The following HS6ST3 variants were observed in gnomAD, a reference collection of about 807,000 sequenced individuals.
HS6ST3 encodes heparan-sulfate 6-O-sulfotransferase 3.
A neutral mutation model predicts 36.7 loss-of-function variants in HS6ST3; 12 were observed. The observed-to-expected ratio is 0.33, with a 90% CI of 0.21 to 0.53. The LOEUF (loss-of-function observed/expected upper bound fraction) is 0.53, where lower values mean the gene tolerates loss of function less well. Among genes scored for constraint, HS6ST3 ranks in the 20% least tolerant of loss-of-function variants. The pLI, the probability that HS6ST3 is intolerant of heterozygous loss-of-function variation, is 0.95. For synonymous variants in HS6ST3, 240 were observed against 257.5 expected (o/e 0.93, Z 0.65); for missense variants, 584 against 640.9 (o/e 0.91, Z 0.96).
intron 1 of HS6ST3, among the ~76,000 whole-genome samples, chr13:96,349,689 A>T (rs2055172810): frequency 6.6e-6 from 1 of 152,218 alleles, no homozygotes; most frequent in Non-Finnish European, 1.5e-5. Flanking sequence ...ATAAGACAAA[A>T]ATTTAAACTG....
intron 1 of HS6ST3, among the ~76,000 whole-genome samples, chr13:96,404,233 A>T (rs1308927418): frequency 6.6e-6 from 1 of 152,150 alleles, no homozygotes; most frequent in Non-Finnish European, 1.5e-5. Context: ...TTGGAGAAAA[A>T]AGCCCACTAT....
Position 96,417,590 on chromosome 13 carries a change from ATGTG to A in HS6ST3, c.707+326051_707+326054del, listed in dbSNP as rs148288275. ...TGGTGAAAAAAAATAGCATATATAT[ATGTG>A]TGTGTGTGTGTGTGTGTGTGTGTGT... On this transcript the variant is annotated intron_variant, in intron 1 of 1. Coordinates refer to ENST00000376705, the MANE Select transcript of HS6ST3 (RefSeq NM_153456.4). 3.2e-3 allele frequency among the ~76,000 whole-genome samples: 451 copies of A among 139,814 alleles called. 4 individuals carry two copies. Among genetic ancestry groups the A allele is most frequent in the East Asian group, 4.9e-3 (23 of 4,666 alleles). The allele number at this position is 139,814 out of a possible 152,430, so 91.7% of individuals were successfully genotyped here. A position where few individuals can be genotyped will look rare whatever the true frequency, so the allele number is the denominator to read the frequency against.
At chr13:96,577,803 G>C (rs1020161254) in intron 1 of HS6ST3, among the ~76,000 whole-genome samples, 1 of 152,140 alleles carries the variant, frequency 6.6e-6, no homozygotes, top group African/African-American at 2.4e-5. Flanking sequence ...ACCATTTCAC[G>C]CCAGTTAGAA....
intron 1 of HS6ST3, among the ~76,000 whole-genome samples, chr13:96,129,732 A>C (rs930815722): frequency 6.6e-6 from 1 of 152,182 alleles, no homozygotes; most frequent in Non-Finnish European, 1.5e-5. Flanking sequence ...GTCTTTACCA[A>C]GTTAAAATGA....
At chr13:96,381,049 G>A (rs2055338104) in intron 1 of HS6ST3, among the ~76,000 whole-genome samples, 1 of 152,046 alleles carries the variant, frequency 6.6e-6, no homozygotes, top group South Asian at 2.1e-4. Context: ...GTTTAGCATA[G>A]AAAAAAGAGA....
At chr13:96,757,875 T>C (rs1488622964) in intron 1 of HS6ST3, among the ~76,000 whole-genome samples, 2 of 152,130 alleles carry the variant, frequency 1.3e-5, no homozygotes, top group Admixed American at 1.3e-4. Context: ...TGTGCAAATA[T>C]TTTGTGTGCA....
In HS6ST3 at chr13:96,307,324, C is replaced by T. The variant is rs550156789; in HGVS notation, c.707+215755C>T. ...TCCTCGAAACAGAGAGCAATAGCCACGCATTTCTGCAAACAATGAGAATAA... is the reference window on the plus strand; with the variant it reads ...TCCTCGAAACAGAGAGCAATAGCCATGCATTTCTGCAAACAATGAGAATAA... On this transcript the variant is annotated intron_variant, in intron 1 of 1. Transcript: ENST00000376705. Among the ~76,000 whole-genome samples, 18 of 152,180 alleles carry T rather than the reference C, an allele frequency of 1.2e-4. No homozygotes were observed. The South Asian group carries it at 2.7e-3, about 23-fold the overall frequency.
intron 1 of HS6ST3, among the ~76,000 whole-genome samples, chr13:96,656,232 A>G (rs2056624273): frequency 6.6e-6 from 1 of 152,192 alleles, no homozygotes; most frequent in Non-Finnish European, 1.5e-5. Flanking sequence ...CTAAAGTTAT[A>G]TGCTGAATTG....
Position 96,091,336 on chromosome 13 carries a change from C to T in HS6ST3, c.474C>T (p.Gly158=), listed in dbSNP as rs768192968. The T allele has an allele frequency of 1.2e-6, 2 of 1,613,984 alleles. No homozygotes were observed. The highest frequency in any genetic ancestry group is 1.7e-6 in the Non-Finnish European group (2 of 1,180,016). The change falls in exon 1 of 2, where the codon GGC becomes GGT. Residue 158 remains glycine, a synonymous_variant. Coordinates refer to ENST00000376705, the MANE Select transcript of HS6ST3 (RefSeq NM_153456.4). ...TCCTCCACATCCAGAAGACGGGGGG[C>T]ACCACTTTCGGCCGGCACCTGGTGA... is the stretch of plus-strand genomic sequence containing the variant. The part of the protein sequence containing the change: ...IVFLHIQKTG[G]TTFGRHLVKN...
intron 1 of HS6ST3, among the ~76,000 whole-genome samples, chr13:96,430,107 A>G (rs2055607533): frequency 6.6e-6 from 1 of 152,198 alleles, no homozygotes; most frequent in Non-Finnish European, 1.5e-5. Flanking sequence ...GTCTTAGCAT[A>G]GCTGTGGATG....
chr13:96,530,590 C>T (rs1343119716), intron 1 of HS6ST3, among the ~76,000 whole-genome samples: 1 of 151,484 alleles, frequency 6.6e-6, no homozygotes, highest in Non-Finnish European at 1.5e-5. Flanking sequence ...ACAGCCTGGA[C>T]CTCCTGGGCT....
chr13:96,459,822 G>A (rs2055773764), intron 1 of HS6ST3, among the ~76,000 whole-genome samples: 1 of 152,026 alleles, frequency 6.6e-6, no homozygotes, highest in Admixed American at 6.6e-5. Flanking sequence ...TTGAATAATG[G>A]GATAATCAAG....
intron 1 of HS6ST3, among the ~76,000 whole-genome samples, chr13:96,731,420 A>T (rs958839898): frequency 1.3e-5 from 2 of 151,788 alleles, no homozygotes; most frequent in Non-Finnish European, 2.9e-5. Context: ...AAATGACGGG[A>T]TTTCCTTCTT....
intron 1 of HS6ST3, among the ~76,000 whole-genome samples, chr13:96,741,444 A>G (rs1876437440): frequency 6.6e-6 from 1 of 152,212 alleles, no homozygotes; most frequent in Admixed American, 6.5e-5. Flanking sequence ...GACCTTGTCA[A>G]CTAATACCTA....
chr13:96,504,469 A>G (rs1425211276), intron 1 of HS6ST3, among the ~76,000 whole-genome samples: 2 of 152,178 alleles, frequency 1.3e-5, no homozygotes, highest in African/African-American at 2.4e-5. Context: ...GGTGGGGTTC[A>G]GGAGGTTTAG....
At chr13:96,447,616 A>T (rs570747525) in intron 1 of HS6ST3, among the ~76,000 whole-genome samples, 4 of 152,174 alleles carry the variant, frequency 2.6e-5, no homozygotes, top group African/African-American at 9.6e-5. Flanking sequence ...CTGCCCCCAC[A>T]TATCCCCACG....
intron 1 of HS6ST3, among the ~76,000 whole-genome samples, chr13:96,332,189 G>T (rs981770293): frequency 2.0e-5 from 3 of 152,038 alleles, no homozygotes; most frequent in African/African-American, 7.2e-5. Flanking sequence ...TTCCTATTCG[G>T]CCATCTTGGC....
chr13:96,796,200 G>T (rs1368933327), intron 1 of HS6ST3, among the ~76,000 whole-genome samples: 1 of 152,034 alleles, frequency 6.6e-6, no homozygotes, highest in Non-Finnish European at 1.5e-5. Context: ...GCCTTTTGAT[G>T]TGTTGCTGGC....
Position 96,223,769 on chromosome 13 carries a change from G to T in HS6ST3, c.707+132200G>T, listed in dbSNP as rs60868893. 4.6e-5 allele frequency among the ~76,000 whole-genome samples: 7 copies of T among 151,886 alleles called. No individual in the cohort carries two copies. In the East Asian group the frequency reaches 1.2e-3, roughly 25 times the overall value. On this transcript the variant is annotated intron_variant, in intron 1 of 1. Transcript: ENST00000376705. ...GCTTAGATGTTGTAATAACATATATGTCACAATTTTTGGCTATGACTATGT... is the reference window on the plus strand; with the variant it reads ...GCTTAGATGTTGTAATAACATATATTTCACAATTTTTGGCTATGACTATGT...
Sources: allele counts gnomAD v4.1 joint callset (sites outside exome capture counted in the v4.1 genomes callset), GRCh38; gene constraint gnomAD v4.1.1; transcripts MANE v1.5; gene names NCBI Gene and HGNC (gene_info 2026-07-23, HGNC 2026-07-21).